The following GABBR2 variants were observed in gnomAD, a reference collection of about 807,000 sequenced individuals.
GABBR2 encodes the protein gamma-aminobutyric acid type B receptor subunit 2.
GABBR2 carries 23 observed loss-of-function variants against 105.6 expected under a neutral mutation model. The ratio of observed to expected loss-of-function variants is 0.22; its 90% CI spans 0.16 to 0.31. The LOEUF is 0.31. GABBR2 is among the 10% of genes least tolerant of loss of function. The pLI, the probability that GABBR2 is intolerant of heterozygous loss-of-function variation, is 1.00. For missense variants in GABBR2, 734 were observed against 1,245.5 expected (o/e 0.59, Z 6.18); for synonymous variants, 478 against 499.7 (o/e 0.96, Z 0.58).
chr9:98,345,078 C>T (rs879870723), intron 13 of GABBR2, among the ~76,000 whole-genome samples: 1 of 152,186 alleles, frequency 6.6e-6, no homozygotes, highest in Non-Finnish European at 1.5e-5. Context: ...ATATCACTAC[C>T]CCTTAGAGTC....
chr9:98,432,396 C>G (rs960555699), intron 7 of GABBR2, among the ~76,000 whole-genome samples: 6 of 152,142 alleles, frequency 3.9e-5, no homozygotes, highest in Non-Finnish European at 8.8e-5. Flanking sequence ...GTATATATCT[C>G]TCTGTAGAAA....
intron 3 of GABBR2, among the ~76,000 whole-genome samples, chr9:98,535,496 T>C (rs1828158746): frequency 6.6e-6 from 1 of 152,074 alleles, no homozygotes; most frequent in Non-Finnish European, 1.5e-5. Context: ...ATAACAACTA[T>C]TTACCTAGCA....
chr9:98,308,669 C>A lies in GABBR2; in HGVS notation c.2005-2324G>T, dbSNP rs190736692. On this transcript the variant is annotated intron_variant, in intron 14 of 18. Coordinates refer to ENST00000259455, the MANE Select transcript of GABBR2 (RefSeq NM_005458.8). ...GACAGAGGCAGAAACTAGAGTCATG[C>A]GGTCACAAGCCAAGGCATGCCTGGA... Among the ~76,000 whole-genome samples, 6 of 152,210 alleles carry A rather than the reference C, an allele frequency of 3.9e-5. No individual in the cohort carries two copies. In the South Asian group the frequency reaches 8.3e-4, roughly 21 times the overall value.
intron 13 of GABBR2, among the ~76,000 whole-genome samples, chr9:98,321,077 C>T (rs1164282734): frequency 6.6e-6 from 1 of 152,022 alleles, no homozygotes; most frequent in African/African-American, 2.4e-5. Context: ...GACCTGGAGC[C>T]TACAGGAAAG....
At chr9:98,593,227 C>T (rs1352410962) in intron 1 of GABBR2, among the ~76,000 whole-genome samples, 2 of 152,150 alleles carry the variant, frequency 1.3e-5, no homozygotes, top group East Asian at 1.9e-4. Context: ...TGTCTATTTC[C>T]GGAATGTTTT....
At chr9:98,623,830 A>G (rs1298737337) in intron 1 of GABBR2, among the ~76,000 whole-genome samples, 2 of 152,174 alleles carry the variant, frequency 1.3e-5, no homozygotes, top group Admixed American at 6.5e-5. Flanking sequence ...CATCTGTCCT[A>G]TGTAGAAAGT....
At chr9:98,683,485 A>C (rs1830576161) in intron 1 of GABBR2, among the ~76,000 whole-genome samples, 1 of 152,250 alleles carries the variant, frequency 6.6e-6, no homozygotes, top group Non-Finnish European at 1.5e-5. Context: ...TATGAAAATT[A>C]AACGAGATCA....
At chr9:98,420,647 G>A (rs1256063011) in intron 7 of GABBR2, among the ~76,000 whole-genome samples, 1 of 152,204 alleles carries the variant, frequency 6.6e-6, no homozygotes, top group Non-Finnish European at 1.5e-5. Context: ...TTGGCAGAGG[G>A]CCTGGGCTGT....
At chr9:98,409,769 T>C (rs1446527499) in intron 7 of GABBR2, among the ~76,000 whole-genome samples, 1 of 152,198 alleles carries the variant, frequency 6.6e-6, no homozygotes, top group Non-Finnish European at 1.5e-5. Context: ...TCCCCTGGGA[T>C]TGGCTGAGCT....
chr9:98,665,565 T>C (rs887208191), intron 1 of GABBR2, among the ~76,000 whole-genome samples: 1 of 152,126 alleles, frequency 6.6e-6, no homozygotes, highest in Non-Finnish European at 1.5e-5. Flanking sequence ...ACTAGAGGAA[T>C]CTGGTGGGAA....
chr9:98,327,699 T>A (rs1830947795), intron 13 of GABBR2, among the ~76,000 whole-genome samples: 1 of 151,706 alleles, frequency 6.6e-6, no homozygotes. Flanking sequence ...TGAAACCCCG[T>A]CTCTACTAAA....
At chr9:98,584,452 C>T (rs1829042659) in intron 1 of GABBR2, among the ~76,000 whole-genome samples, 1 of 152,134 alleles carries the variant, frequency 6.6e-6, no homozygotes, top group African/African-American at 2.4e-5. Context: ...TGCTGTTCCA[C>T]TGCCAAGGGC....
intron 1 of GABBR2, among the ~76,000 whole-genome samples, chr9:98,595,744 A>G (rs2131799795): frequency 6.6e-6 from 1 of 152,210 alleles, no homozygotes; most frequent in Admixed American, 6.5e-5. Context: ...CCCCATATCT[A>G]GAGGGCCAAT....
chr9:98,631,828 A>C (rs1443263266), intron 1 of GABBR2, among the ~76,000 whole-genome samples: 1 of 152,224 alleles, frequency 6.6e-6, no homozygotes, highest in East Asian at 1.9e-4. Flanking sequence ...AGACTTTAGA[A>C]AAAATTAATT....
intron 7 of GABBR2, among the ~76,000 whole-genome samples, chr9:98,447,812 G>T (rs1170130133): frequency 6.6e-6 from 1 of 151,690 alleles, no homozygotes; most frequent in Admixed American, 6.6e-5. Context: ...AGTTGGTAGG[G>T]TGGGTGGTGG....
chr9:98,664,339 T>A (rs1038035604), intron 1 of GABBR2, among the ~76,000 whole-genome samples: 1 of 152,222 alleles, frequency 6.6e-6, no homozygotes, highest in Non-Finnish European at 1.5e-5. Flanking sequence ...AAAAACCAGA[T>A]GGATCCTGGT....
intron 2 of GABBR2, among the ~76,000 whole-genome samples, chr9:98,575,091 C>G (rs116000548): frequency 2.0e-5 from 3 of 152,026 alleles, no homozygotes; most frequent in Admixed American, 6.5e-5. Flanking sequence ...ACCACCACCC[C>G]CCCCCAAATC....
chr9:98,514,391 A>G (rs1827715443), intron 3 of GABBR2, among the ~76,000 whole-genome samples: 1 of 67,040 alleles, frequency 1.5e-5, no homozygotes, highest in South Asian at 5.3e-4. Flanking sequence ...GTACCCTAAA[A>G]CTTAAAGTAT....
At chr9:98,296,231 T>G (rs1022486158) in intron 17 of GABBR2, among the ~76,000 whole-genome samples, 1 of 152,178 alleles carries the variant, frequency 6.6e-6, no homozygotes, top group Non-Finnish European at 1.5e-5. Context: ...TTCTGCCACA[T>G]GAAGATGTAG....
Sources: allele counts gnomAD v4.1 joint callset (sites outside exome capture counted in the v4.1 genomes callset), GRCh38; gene constraint gnomAD v4.1.1; transcripts MANE v1.5; gene names NCBI Gene and HGNC (gene_info 2026-07-23, HGNC 2026-07-21).